The following MCF2L2 variants were observed in gnomAD, a reference collection of about 807,000 sequenced individuals.
MCF2L2 encodes probable guanine nucleotide exchange factor MCF2L2.
Under a neutral mutation model 150.2 loss-of-function variants are expected in MCF2L2, and 102 were observed. The observed-to-expected ratio is 0.68, with a 90% CI of 0.58 to 0.80. MCF2L2 has a LOEUF of 0.80. Among genes scored for constraint, MCF2L2 ranks in the 30% least tolerant of loss-of-function variants. MCF2L2 has a pLI of 0.00. For missense variants in MCF2L2, 1,256 were observed against 1,372.8 expected (o/e 0.91, Z 1.34); for synonymous variants, 465 against 491.3 (o/e 0.95, Z 0.71).
chr3:183,212,796 G>C (rs1185272221), intron 22 of MCF2L2, among the ~76,000 whole-genome samples: 1 of 152,058 alleles, frequency 6.6e-6, no homozygotes, highest in African/African-American at 2.4e-5. Context: ...GGGCAAAGAG[G>C]TATCTTCCTT....
intron 19 of MCF2L2, 114 bp downstream of exon 19, chr3:183,223,984 A>T: frequency 1.3e-6 from 1 of 795,388 alleles, no homozygotes. Flanking sequence ...GGGACACTTT[A>T]AATAAACATA....
intron 1 of MCF2L2, among the ~76,000 whole-genome samples, chr3:183,401,037 A>T (rs889329362): frequency 1.5e-4 from 23 of 152,112 alleles, no homozygotes; most frequent in African/African-American, 4.8e-4. Flanking sequence ...CAGGATGTAG[A>T]GCGCCTCCTG....
At chr3:183,272,155 C>T (rs1726831941) in intron 15 of MCF2L2, 1 of 1,000,142 alleles carries the variant, frequency 1.0e-6, no homozygotes, top group African/African-American at 1.7e-5. Context: ...TTTAAAGCTG[C>T]ATGTTCCTTG....
intron 14 of MCF2L2, among the ~76,000 whole-genome samples, chr3:183,284,847 G>A (rs1174692826): frequency 6.6e-6 from 1 of 152,120 alleles, no homozygotes; most frequent in Non-Finnish European, 1.5e-5. Flanking sequence ...CTTTGTTCTG[G>A]AAACTTCAGA....
chr3:183,188,512 C>T (rs1216925183), intron 27 of MCF2L2, among the ~76,000 whole-genome samples: 1 of 152,176 alleles, frequency 6.6e-6, no homozygotes, highest in Non-Finnish European at 1.5e-5. Context: ...GGACAGCACT[C>T]CATCCCCGCA....
intron 27 of MCF2L2, among the ~76,000 whole-genome samples, chr3:183,190,813 G>A (rs1296030087): frequency 6.6e-6 from 1 of 152,212 alleles, no homozygotes. Context: ...AAGAGGGTCT[G>A]GGCAGGCTGT....
intron 11 of MCF2L2, chr3:183,299,272 G>A (rs1251217217): frequency 6.6e-6 from 1 of 152,194 alleles, no homozygotes; most frequent in African/African-American, 2.4e-5. Context: ...TTTACCCCAG[G>A]GTTTCTTGGT....
chr3:183,360,988 GA>G (rs1482989881), intron 3 of MCF2L2, among the ~76,000 whole-genome samples: 1 of 118,764 alleles, frequency 8.4e-6, no homozygotes, highest in African/African-American at 4.5e-5. Context: ...GAAAAGAAAA[GA>G]AAAGAAAAGA....
At chr3:183,354,135 G>T (rs750701085) in intron 3 of MCF2L2, among the ~76,000 whole-genome samples, 3 of 152,172 alleles carry the variant, frequency 2.0e-5, no homozygotes, top group Non-Finnish European at 4.4e-5. Context: ...CATTAAAAGA[G>T]ATCTTAAGAC....
chr3:183,405,383 A>G (rs1050588845), intron 1 of MCF2L2, among the ~76,000 whole-genome samples: 1 of 152,098 alleles, frequency 6.6e-6, no homozygotes, highest in Non-Finnish European at 1.5e-5. Context: ...CTCTTTTGGG[A>G]ATACAGTTCT....
intron 18 of MCF2L2, chr3:183,226,249 C>A (rs1015753071): frequency 6.6e-6 from 1 of 152,164 alleles, no homozygotes; most frequent in African/African-American, 2.4e-5. Flanking sequence ...TGGAGACCAT[C>A]CTGGCCAACA....
At chr3:183,317,834 CAA>C (rs1338317020) in intron 7 of MCF2L2, among the ~76,000 whole-genome samples, 1 of 152,096 alleles carries the variant, frequency 6.6e-6, no homozygotes, top group Non-Finnish European at 1.5e-5. Context: ...CACCCAGTCT[CAA>C]AAGACTCACT....
intron 1 of MCF2L2, among the ~76,000 whole-genome samples, chr3:183,399,741 A>C (rs1714641868): frequency 6.6e-6 from 1 of 152,240 alleles, no homozygotes; most frequent in Non-Finnish European, 1.5e-5. Context: ...TAATAGAAGA[A>C]ATATAGAAAT....
chr3:183,279,558 C>G (rs1480613592), intron 14 of MCF2L2, among the ~76,000 whole-genome samples: 1 of 152,170 alleles, frequency 6.6e-6, no homozygotes, highest in East Asian at 1.9e-4. Context: ...TAGGGTATAC[C>G]TAGGAGAGGG....
chr3:183,423,098 A>G (rs1295869133), intron 1 of MCF2L2, among the ~76,000 whole-genome samples: 1 of 152,236 alleles, frequency 6.6e-6, no homozygotes, highest in African/African-American at 2.4e-5. Context: ...CAGTGTCTAC[A>G]GAGCCTAATC....
At chr3:183,376,025 C>A (rs1022995814) in intron 3 of MCF2L2, 1 of 151,922 alleles carries the variant, frequency 6.6e-6, no homozygotes, top group African/African-American at 2.4e-5. Flanking sequence ...TGAGCAAAAG[C>A]GGAAGAAGAA....
intron 15 of MCF2L2, among the ~76,000 whole-genome samples, chr3:183,276,304 A>AG (rs1450302503): frequency 1.3e-5 from 2 of 152,252 alleles, no homozygotes; most frequent in Non-Finnish European, 2.9e-5. Flanking sequence ...GCATTATGAT[A>AG]GACGCCATGG....
At chr3:183,185,317 C>T (rs1721658279) in intron 27 of MCF2L2, among the ~76,000 whole-genome samples, 1 of 152,238 alleles carries the variant, frequency 6.6e-6, no homozygotes, top group South Asian at 2.1e-4. Context: ...AAAGCAATGC[C>T]TAAACCCCCT....
At chr3:183,194,734 G>T (rs1722024642) in intron 26 of MCF2L2, among the ~76,000 whole-genome samples, 2 of 152,100 alleles carry the variant, frequency 1.3e-5, no homozygotes, top group South Asian at 4.1e-4. Flanking sequence ...TAGCAGTGGG[G>T]TTGCGAACTG....
Sources: gnomAD v4.1 joint callset for allele counts (sites outside exome capture counted in the v4.1 genomes callset) on GRCh38, gnomAD v4.1.1 for gene constraint, MANE v1.5 for transcripts, NCBI Gene and HGNC (gene_info 2026-07-23, HGNC 2026-07-21) for gene names.